ABAT: variants seen among roughly 807,000 people sequenced by gnomAD.
ABAT encodes 4-aminobutyrate aminotransferase.
In ABAT, 45 loss-of-function variants were observed where a neutral mutation model predicts 64.6. That is an observed-to-expected ratio of 0.70 (90% CI 0.55 to 0.89). ABAT has a LOEUF of 0.89. Ranked by LOEUF, ABAT falls within the 40% of genes least tolerant of loss-of-function variation. The pLI is 0.00. For synonymous variants in ABAT, 297 were observed against 250.5 expected, an observed-to-expected ratio of 1.19 and a Z score of -1.75; for missense variants, 633 against 658.4, an observed-to-expected ratio of 0.96 and a Z score of 0.42.
chr16:8,777,819 G>A (rs961047838), intron 14 of ABAT, among the ~76,000 whole-genome samples: 1 of 152,148 alleles, frequency 6.6e-6, no homozygotes, highest in Non-Finnish European at 1.5e-5. Context: ...GGGGATTCAA[G>A]AATGTGCCCA....
At chr16:8,778,729 A>T (rs151179848) in intron 14 of ABAT, among the ~76,000 whole-genome samples, 33 of 151,928 alleles carry the variant, frequency 2.2e-4, no homozygotes, top group African/African-American at 7.7e-4. Context: ...GTGAGCCGAG[A>T]TAGTGCCACT....
chr16:8,683,406 A>C (rs915006883), intron 1 of ABAT: 2 of 152,972 alleles, frequency 1.3e-5, no homozygotes, highest in South Asian at 2.1e-4. Flanking sequence ...CTGGGAGTGG[A>C]GGACCACCAG....
At chr16:8,767,700 A>G (rs2059984194) in intron 9 of ABAT, among the ~76,000 whole-genome samples, 1 of 152,036 alleles carries the variant, frequency 6.6e-6, no homozygotes, top group East Asian at 1.9e-4. Context: ...TTTGAGACAG[A>G]GTCTCGCTCT....
At position 8,781,572 on chromosome 16, in the gene ABAT, G is replaced by C; in HGVS notation, c.*142G>C. Reference sequence around the variant, plus strand: ...GATTTGTGGGGAGGGAGCATTTTTGGTGGTCTTGGGGGAGGGGAGGGGAGG... The same window carrying C: ...GATTTGTGGGGAGGGAGCATTTTTGCTGGTCTTGGGGGAGGGGAGGGGAGG... On this transcript the variant is annotated 3_prime_UTR_variant, in exon 16 of 16. Transcript: ENST00000268251. This position sits in a 1 kb window ranked among gnomAD's most constrained non-coding sequence, Gnocchi z 4.5. The C allele has an allele frequency of 8.8e-7, 1 of 1,142,008 alleles. No homozygotes were observed. Among genetic ancestry groups the C allele is most frequent in the Non-Finnish European group, 1.3e-6 (1 of 787,416 alleles). The allele number at this position is 1,142,008 out of a possible 1,614,324, so 70.7% of individuals were successfully genotyped here.
At chr16:8,729,425 C>G (rs1251048259) in intron 1 of ABAT, among the ~76,000 whole-genome samples, 1 of 152,186 alleles carries the variant, frequency 6.6e-6, no homozygotes, top group Non-Finnish European at 1.5e-5. Flanking sequence ...GGCCGAATGT[C>G]ATAACCTCTC....
chr16:8,709,918 C>T (rs59224497), intron 1 of ABAT, among the ~76,000 whole-genome samples: 1 of 152,026 alleles, frequency 6.6e-6, no homozygotes, highest in Non-Finnish European at 1.5e-5. Context: ...GCCATCCTCC[C>T]TCCGCCGCCT....
intron 1 of ABAT, among the ~76,000 whole-genome samples, chr16:8,731,031 T>C (rs1640992): frequency 0.99 from 149,885 of 152,078 alleles, 73,905 homozygotes; most frequent in Middle Eastern, 1. Flanking sequence ...GGTGTGATCT[T>C]GGCTCACTGC....
chr16:8,709,766 A>G (rs534872221), intron 1 of ABAT, among the ~76,000 whole-genome samples: 3 of 152,234 alleles, frequency 2.0e-5, no homozygotes, highest in African/African-American at 7.2e-5. Context: ...GCAATCAGAA[A>G]GATGTAGGGG....
At chr16:8,716,915 T>C (rs1158135549) in intron 1 of ABAT, among the ~76,000 whole-genome samples, 1 of 152,250 alleles carries the variant, frequency 6.6e-6, no homozygotes. Context: ...TAAACTGTGA[T>C]GTGCTGTGAG....
chr16:8,693,204 G>A (rs979242380), intron 1 of ABAT, among the ~76,000 whole-genome samples: 11 of 152,056 alleles, frequency 7.2e-5, no homozygotes, highest in East Asian at 1.9e-4. Context: ...AATAGCATCC[G>A]GCTAACCTGA....
intron 1 of ABAT, among the ~76,000 whole-genome samples, chr16:8,724,945 C>G: frequency 6.8e-6 from 1 of 146,390 alleles, no homozygotes; most frequent in South Asian, 2.1e-4. Flanking sequence ...GAGATGGAGT[C>G]TCACTCTGTT....
Position 8,764,807 on chromosome 16 carries a change from A to G in ABAT, c.517A>G (p.Lys173Glu). ...CTCCTGCTCCAATGAAAACGCCTTAAAGACCATCTTCATGTGGTACCGGGT... is the reference window on the plus strand; with the variant it reads ...CTCCTGCTCCAATGAAAACGCCTTAGAGACCATCTTCATGTGGTACCGGGT... The part of the protein sequence containing the change: ...CGSCSNENAL[K>E]TIFMWYRSKE... The change falls in exon 8 of 16, where the codon AAG (lysine) becomes GAG (glutamate). Residue 173 changes from lysine to glutamate, a missense_variant. Lys to Glu is a moderately conservative substitution (Grantham distance 56). Transcript: ENST00000268251. This position sits in a 1 kb window ranked among gnomAD's most constrained non-coding sequence, Gnocchi z 4.2. 6.2e-7 allele frequency: 1 copy of G among 1,613,836 alleles called. No individual in the cohort carries two copies. Among genetic ancestry groups the G allele is most frequent in the Non-Finnish European group, 8.5e-7 (1 of 1,179,946 alleles).
chr16:8,693,898 C>G (rs914798609), intron 1 of ABAT, among the ~76,000 whole-genome samples: 1 of 152,178 alleles, frequency 6.6e-6, no homozygotes, highest in Non-Finnish European at 1.5e-5. Context: ...CAGAGAGATC[C>G]TATGGGTCCT....
intron 1 of ABAT, among the ~76,000 whole-genome samples, chr16:8,723,810 T>TATAA (rs2058447243): frequency 2.6e-5 from 1 of 38,682 alleles, no homozygotes; most frequent in Non-Finnish European, 5.5e-5. Flanking sequence ...CCAAGCTTTT[T>TATAA]ATATATATAT....
At chr16:8,775,345 G>A (rs1252609008) in intron 13 of ABAT, among the ~76,000 whole-genome samples, 1 of 152,142 alleles carries the variant, frequency 6.6e-6, no homozygotes, top group Non-Finnish European at 1.5e-5. Context: ...TTTGCTATGT[G>A]CCTAGTTCTA....
chr16:8,735,251 T>C (rs188495915), intron 1 of ABAT, among the ~76,000 whole-genome samples: 1,969 of 151,428 alleles, frequency 0.013, 52 homozygotes, highest in African/African-American at 0.045. Context: ...TTTTGTTTTG[T>C]TTTGGTTTGG....
intron 1 of ABAT, among the ~76,000 whole-genome samples, chr16:8,714,159 TGATGA>T (rs1262861112): frequency 6.6e-6 from 1 of 152,058 alleles, no homozygotes; most frequent in Non-Finnish European, 1.5e-5. Flanking sequence ...GATATAGAAA[TGATGA>T]GATAAGGAAT....
chr16:8,773,155 TA>T (rs2060169007), intron 12 of ABAT, among the ~76,000 whole-genome samples: 1 of 97,792 alleles, frequency 1.0e-5, no homozygotes, highest in African/African-American at 3.8e-5. Flanking sequence ...CACATATATA[TA>T]TATTTTTTTT....
At chr16:8,722,856 T>C (rs2058412762) in intron 1 of ABAT, 1 of 1,288,986 alleles carries the variant, frequency 7.8e-7, no homozygotes, top group Non-Finnish European at 1.0e-6. Context: ...GGAGCAAGGC[T>C]TGGGGAAAAT....
Sources: gnomAD v4.1 joint callset for allele counts (sites outside exome capture counted in the v4.1 genomes callset) on GRCh38, gnomAD v4.1.1 for gene constraint, Gnocchi (gnomAD v3.1) non-coding constraint, MANE v1.5 for transcripts, NCBI Gene and HGNC (gene_info 2026-07-23, HGNC 2026-07-21) for gene names.